The following ZMYM4 variants were observed in gnomAD, a reference collection of about 807,000 sequenced individuals.
ZMYM4 encodes zinc finger MYM-type protein 4.
A neutral mutation model predicts 183.2 loss-of-function variants in ZMYM4; 31 were observed. That is an observed-to-expected ratio of 0.17 (90% CI 0.13 to 0.23). The LOEUF (loss-of-function observed/expected upper bound fraction) is 0.23, where lower values mean the gene tolerates loss of function less well. Ranked by LOEUF, ZMYM4 falls within the 10% of genes least tolerant of loss-of-function variation. ZMYM4 has a pLI of 1.00. For missense variants in ZMYM4, 1,273 were observed against 1,840.3 expected (o/e 0.69, Z 5.64); for synonymous variants, 592 against 631.2 (o/e 0.94, Z 0.93).
intron 1 of ZMYM4, among the ~76,000 whole-genome samples, chr1:35,278,338 C>G (rs149284210): frequency 7.5e-4 from 114 of 152,080 alleles, no homozygotes; most frequent in African/African-American, 2.7e-3. Context: ...TTTTTGACCC[C>G]TAAAACTTCA....
intron 5 of ZMYM4, among the ~76,000 whole-genome samples, chr1:35,368,177 A>G (rs1644134957): frequency 6.6e-6 from 1 of 151,134 alleles, no homozygotes. Flanking sequence ...TTGCTCCACC[A>G]GAGCAGAGTT....
intron 28 of ZMYM4, among the ~76,000 whole-genome samples, chr1:35,416,354 A>C (rs965036988): frequency 6.6e-6 from 1 of 152,226 alleles, no homozygotes; most frequent in African/African-American, 2.4e-5. Context: ...TGAACTTCCC[A>C]AAATCAGTTT....
At chr1:35,377,314 C>T (rs1242941014) in intron 7 of ZMYM4, among the ~76,000 whole-genome samples, 1 of 152,166 alleles carries the variant, frequency 6.6e-6, no homozygotes, top group Non-Finnish European at 1.5e-5. Context: ...TACATTAAAA[C>T]CTAATTTTAA....
intron 1 of ZMYM4, among the ~76,000 whole-genome samples, chr1:35,293,894 G>T (rs972134280): frequency 1.3e-5 from 2 of 152,124 alleles, no homozygotes; most frequent in African/African-American, 4.8e-5. Context: ...GCTCACACCT[G>T]TAATCCCAGC....
intron 9 of ZMYM4, among the ~76,000 whole-genome samples, chr1:35,382,609 AT>A (rs1163010373): frequency 6.6e-6 from 1 of 151,342 alleles, no homozygotes; most frequent in East Asian, 1.9e-4. Context: ...GGCCTGGCTA[AT>A]TTTTTTGTAT....
intron 1 of ZMYM4, among the ~76,000 whole-genome samples, chr1:35,280,562 C>T (rs980537405): frequency 1.3e-5 from 2 of 152,180 alleles, no homozygotes; most frequent in Admixed American, 1.3e-4. Context: ...AGAAATTTAT[C>T]ATCTCACAGT....
chr1:35,322,674 T>C (rs1557998932), intron 1 of ZMYM4, among the ~76,000 whole-genome samples: 1 of 152,142 alleles, frequency 6.6e-6, no homozygotes, highest in African/African-American at 2.4e-5. Context: ...GCAGCATGTA[T>C]AGACAACTTT....
chr1:35,404,852 T>G (rs1483835085), intron 23 of ZMYM4, 171 bp from the exon 24 acceptor site: 4 of 552,140 alleles, frequency 7.2e-6, no homozygotes, highest in Non-Finnish European at 1.2e-5. Context: ...TCATATGGAT[T>G]GGATTAAATA....
Position 35,399,044 on chromosome 1 carries a change from G to T in ZMYM4, c.3433+1G>T, listed in dbSNP as rs1460378177. 1 of 1,613,802 alleles carries T rather than the reference G, an allele frequency of 6.2e-7. No homozygotes were observed. Among genetic ancestry groups the T allele is most frequent in the African/African-American group, 1.3e-5 (1 of 74,896 alleles). ...GACCTGGAAGCAGATTTTCCATCAG[G>T]TTTGTGTACAGTAACCTGTCCACTG... On this transcript the variant is annotated splice_donor_variant, in intron 22 of 29. Coordinates refer to ENST00000314607, the MANE Select transcript of ZMYM4 (RefSeq NM_005095.3). LOFTEE classifies it high-confidence loss of function.
intron 26 of ZMYM4, among the ~76,000 whole-genome samples, chr1:35,412,775 A>G (rs1205740042): frequency 2.0e-5 from 3 of 152,178 alleles, no homozygotes; most frequent in Non-Finnish European, 2.9e-5. Flanking sequence ...TAATCTGCCA[A>G]TAAGTTCATA....
At chr1:35,322,668 C>T (rs1322931256) in intron 1 of ZMYM4, among the ~76,000 whole-genome samples, 3 of 152,062 alleles carry the variant, frequency 2.0e-5, no homozygotes, top group Non-Finnish European at 4.4e-5. Flanking sequence ...TCGTAGGCAG[C>T]ATGTATAGAC....
At chr1:35,273,474 T>A (rs1376165629) in intron 1 of ZMYM4, among the ~76,000 whole-genome samples, 4 of 152,204 alleles carry the variant, frequency 2.6e-5, no homozygotes, top group Non-Finnish European at 5.9e-5. Flanking sequence ...GGCGGCCATA[T>A]TTTGTTGTAA....
At chr1:35,409,040 C>T (rs1639763133) in intron 26 of ZMYM4, among the ~76,000 whole-genome samples, 1 of 152,178 alleles carries the variant, frequency 6.6e-6, no homozygotes, top group Non-Finnish European at 1.5e-5. Flanking sequence ...ACTATGTGGC[C>T]TTTTGTGTCT....
At chr1:35,361,922 G>A (rs1359295171) in intron 5 of ZMYM4, 133 bp downstream of exon 5, 9 of 1,184,914 alleles carry the variant, frequency 7.6e-6, no homozygotes, top group African/African-American at 3.1e-5. Context: ...AGGTTGAGGC[G>A]ATTTGAATTA....
chr1:35,269,123 G>A, intron 1 of ZMYM4, 38 bp downstream of exon 1: 2 of 1,543,568 alleles, frequency 1.3e-6, no homozygotes. Flanking sequence ...GGCGGGGGGC[G>A]GGGCGCGGCC....
At chr1:35,405,344 C>A in intron 24 of ZMYM4, 29 bp from the exon 25 acceptor site, 1 of 1,580,932 alleles carries the variant, frequency 6.3e-7, no homozygotes, top group African/African-American at 1.4e-5. Context: ...TTTATTTAAA[C>A]TTTTCTTTTA....
chr1:35,346,650 CAAAAAAAAAAAAAAAAAA>C (rs746472685), intron 2 of ZMYM4, among the ~76,000 whole-genome samples: 10 of 54,164 alleles, frequency 1.8e-4, no homozygotes, highest in Admixed American at 1.7e-3. Context: ...GACTCCATCT[CAAAAAAAAAAAAAAAAAA>C]AAGAAAAAAA....
At chr1:35,354,532 G>T (rs943194161) in intron 2 of ZMYM4, among the ~76,000 whole-genome samples, 1 of 151,980 alleles carries the variant, frequency 6.6e-6, no homozygotes, top group Non-Finnish European at 1.5e-5. Flanking sequence ...TTTGAGACCA[G>T]CCTGGCCAAC....
intron 1 of ZMYM4, among the ~76,000 whole-genome samples, chr1:35,318,868 CA>C (rs1642165378): frequency 6.6e-6 from 1 of 152,188 alleles, no homozygotes; most frequent in Non-Finnish European, 1.5e-5. Flanking sequence ...TTTCCCTACA[CA>C]TTTAAACTGA....
Sources: allele counts gnomAD v4.1 joint callset (sites outside exome capture counted in the v4.1 genomes callset), GRCh38; gene constraint gnomAD v4.1.1; transcripts MANE v1.5; gene names NCBI Gene and HGNC (gene_info 2026-07-23, HGNC 2026-07-21).